Variants in CCDC69 observed in about 807,000 individuals in gnomAD.
The protein encoded by CCDC69 is coiled-coil domain-containing protein 69.
Under a neutral mutation model 40.3 loss-of-function variants are expected in CCDC69, and 38 were observed. The observed-to-expected ratio is 0.94, with a 90% confidence interval of 0.73 to 1.24. The LOEUF (loss-of-function observed/expected upper bound fraction) is 1.24. Among genes scored for constraint, CCDC69 ranks in the 50% most tolerant of loss-of-function variants. The probability of loss-of-function intolerance (pLI) is 0.00; values close to 1 mark genes in which losing one functional copy is unlikely to be tolerated. For missense variants in CCDC69, 389 were observed against 357.9 expected (o/e 1.09, Z -0.70); for synonymous variants, 141 against 138.9 (o/e 1.02, Z -0.11).
At chr5:151,203,741 A>AATATATACTAATAAAATCTATATAGTAT (rs1287075018) in intron 2 of CCDC69, among the ~76,000 whole-genome samples, 3 of 138,426 alleles carry the variant, frequency 2.2e-5, no homozygotes, top group Non-Finnish European at 3.1e-5. Context: ...TAGTATATAT[A>AATATATACTAATAAAATCTATATAGTAT]ATATATACTA....
At chr5:151,185,959 G>A in intron 6 of CCDC69, 64 bp downstream of exon 6, 1 of 1,109,454 alleles carries the variant, frequency 9.0e-7, no homozygotes, top group Non-Finnish European at 1.4e-6. Context: ...GGTCTTTCCT[G>A]TTGCCCGGCC....
chr5:151,215,061 C>T (rs1279713888), intron 1 of CCDC69, among the ~76,000 whole-genome samples: 1 of 152,232 alleles, frequency 6.6e-6, no homozygotes, highest in Admixed American at 6.5e-5. Flanking sequence ...GACATTATTT[C>T]TAGCATTTGG....
chr5:151,204,010 T>G (rs1255583389), intron 2 of CCDC69, among the ~76,000 whole-genome samples: 1 of 150,426 alleles, frequency 6.6e-6, no homozygotes, highest in Non-Finnish European at 1.5e-5. Context: ...CCCTAGAATC[T>G]GCATCTTTGA....
At chr5:151,202,684 T>C (rs1752791843) in intron 2 of CCDC69, among the ~76,000 whole-genome samples, 1 of 152,166 alleles carries the variant, frequency 6.6e-6, no homozygotes, top group Non-Finnish European at 1.5e-5. Flanking sequence ...CCTCAGCTGG[T>C]AGTAGAGGGT....
At position 151,183,516 on chromosome 5, in the gene CCDC69, C is replaced by T. The variant is rs775880549; in HGVS notation, c.812G>A (p.Arg271Gln). 43 of 1,608,894 alleles carry T rather than the reference C, an allele frequency of 2.7e-5. No individual in the cohort carries two copies. The highest frequency in any genetic ancestry group is 5.3e-5 in the African/African-American group (4 of 74,916). ...LQQEKEELLY[R>Q]VLGANASPAF... Reference sequence around the variant, plus strand: ...AGGCGAGGCATTGGCCCCAAGGACCCGGTACAACAGCTCCTCCTTCTCCTG... The same window carrying T: ...AGGCGAGGCATTGGCCCCAAGGACCTGGTACAACAGCTCCTCCTTCTCCTG... The change falls in exon 9 of 9, where the codon CGG becomes CAG. Residue 271 changes from arginine (R) to glutamine (Q), a missense_variant. Physicochemically the swap from Arg to Gln is conservative, Grantham distance 43. Coordinates refer to ENST00000355417, the MANE Select transcript of CCDC69 (RefSeq NM_015621.3).
At chr5:151,209,917 C>A (rs1284149988) in intron 1 of CCDC69, among the ~76,000 whole-genome samples, 1 of 152,114 alleles carries the variant, frequency 6.6e-6, no homozygotes, top group Non-Finnish European at 1.5e-5. Context: ...TAAACATCTT[C>A]TTCCAGTTAA....
At chr5:151,210,196 G>C (rs1217615227) in intron 1 of CCDC69, among the ~76,000 whole-genome samples, 1 of 152,160 alleles carries the variant, frequency 6.6e-6, no homozygotes, top group Non-Finnish European at 1.5e-5. Context: ...ATTCACTGTT[G>C]AGTGTTTAAA....
chr5:151,197,504 C>T (rs1490319511), intron 4 of CCDC69, among the ~76,000 whole-genome samples: 1 of 152,076 alleles, frequency 6.6e-6, no homozygotes, highest in Non-Finnish European at 1.5e-5. Context: ...GCCTGGGCAA[C>T]AGAGCGAGAC....
At chr5:151,191,890 C>T (rs1752616974) in intron 4 of CCDC69, among the ~76,000 whole-genome samples, 1 of 151,712 alleles carries the variant, frequency 6.6e-6, no homozygotes, top group Non-Finnish European at 1.5e-5. Context: ...TTGAGACCAG[C>T]CTGGGTAACA....
Position 151,205,421 on chromosome 5 carries a change from C to T in CCDC69, c.103G>A (p.Gly35Ser), listed in dbSNP as rs1026871006. The T allele has an allele frequency of 6.2e-7, 1 of 1,613,960 alleles. No individual in the cohort carries two copies. The highest frequency in any genetic ancestry group is 1.3e-5 in the African/African-American group (1 of 74,898). Residue 35 changes from glycine (G) to serine (S), a missense_variant, in exon 2 of 9, where the codon GGT becomes AGT. Physicochemically the swap from Gly to Ser is moderately conservative, Grantham distance 56 (BLOSUM62 0). Transcript: ENST00000355417. Reference sequence around the variant, plus strand: ...TCACCTGTGTCCCCATTGAGGGGACCTAATTCATGGGGCTCTGGTCTGGGT... The same window carrying T: ...TCACCTGTGTCCCCATTGAGGGGACTTAATTCATGGGGCTCTGGTCTGGGT... ...QPPRPEPHELGPLNGDTAITV... is the reference protein window; with the variant it reads ...QPPRPEPHELSPLNGDTAITV...
chr5:151,218,715 T>G (rs153471), intron 1 of CCDC69, among the ~76,000 whole-genome samples: 114,796 of 152,000 alleles, frequency 0.76, 44,447 homozygotes, highest in East Asian at 1. Flanking sequence ...CATCTTTTCT[T>G]CCCTTTTTAT....
Position 151,184,357 on chromosome 5 carries a change from C to T in CCDC69, c.700G>A (p.Val234Met), listed in dbSNP as rs755931957. 12 of 1,613,844 alleles carry T rather than the reference C, an allele frequency of 7.4e-6. No individual in the cohort carries two copies. The highest frequency in any genetic ancestry group is 1.0e-5 in the Non-Finnish European group (12 of 1,179,862). Residue 234 changes from valine (V) to methionine (M), a missense_variant, in exon 8 of 9, where the codon GTG becomes ATG. By Grantham distance (21) the Val-to-Met change is conservative. Coordinates refer to ENST00000355417, the MANE Select transcript of CCDC69 (RefSeq NM_015621.3). ...GAAGACAGCTACCTTGACAGGACCACCTGGTTGCGGCTTCGGACATGGAGG... is the reference window on the plus strand; with the variant it reads ...GAAGACAGCTACCTTGACAGGACCATCTGGTTGCGGCTTCGGACATGGAGG... ...EDLHVRSRNQ[V>M]VLSRQLSEDL...
chr5:151,205,570 A>G (rs1346060292), intron 1 of CCDC69, 95 bp from the exon 2 acceptor site: 1 of 1,022,764 alleles, frequency 9.8e-7, no homozygotes, highest in Non-Finnish European at 1.5e-6. Flanking sequence ...AAGGCAAGGC[A>G]GGACCTTCAG....
intron 1 of CCDC69, among the ~76,000 whole-genome samples, chr5:151,222,832 A>T (rs186000318): frequency 4.6e-5 from 7 of 152,220 alleles, no homozygotes; most frequent in Admixed American, 4.6e-4. Flanking sequence ...GAGCAAGGAA[A>T]GCCAGGAGGT....
intron 8 of CCDC69, among the ~76,000 whole-genome samples, 171 bp from the exon 9 acceptor site, chr5:151,183,785 C>T (rs890157228): frequency 1.2e-4 from 19 of 152,186 alleles, no homozygotes; most frequent in Admixed American, 9.2e-4. Context: ...GACCAAGGAG[C>T]GGGGGCCTCA....
chr5:151,191,782 G>A (rs1752615285), intron 4 of CCDC69, among the ~76,000 whole-genome samples: 1 of 152,094 alleles, frequency 6.6e-6, no homozygotes, highest in South Asian at 2.1e-4. Context: ...AATATTCTAA[G>A]CTGAAGAAAT....
intron 1 of CCDC69, 72 bp from the exon 2 acceptor site, chr5:151,205,547 TGG>T: frequency 7.8e-7 from 1 of 1,284,508 alleles, no homozygotes; most frequent in South Asian, 1.2e-5. Flanking sequence ...GCTGCTATAG[TGG>T]GACTCTTCCA....
intron 1 of CCDC69, among the ~76,000 whole-genome samples, chr5:151,205,697 C>T (rs975711048): frequency 6.6e-6 from 1 of 152,190 alleles, no homozygotes; most frequent in Non-Finnish European, 1.5e-5. Context: ...CAGGGAAACC[C>T]TCAGGGGAGT....
intron 2 of CCDC69, 61 bp from the exon 3 acceptor site, chr5:151,201,749 G>A (rs1752779758): frequency 9.3e-7 from 1 of 1,072,690 alleles, no homozygotes; most frequent in Middle Eastern, 2.3e-4. Context: ...AGTACAGTCA[G>A]AGCTGGCAGA....
Sources: allele counts gnomAD v4.1 joint callset (sites outside exome capture counted in the v4.1 genomes callset), GRCh38; gene constraint gnomAD v4.1.1; transcripts MANE v1.5; gene names NCBI Gene and HGNC (gene_info 2026-07-23, HGNC 2026-07-21).